PCDH9: variants seen among roughly 807,000 people sequenced by gnomAD.
PCDH9 encodes the protein protocadherin-9.
Under a neutral mutation model 70.6 loss-of-function variants are expected in PCDH9, and 24 were observed. The observed-to-expected ratio is 0.34, with a 90% CI of 0.25 to 0.48. The LOEUF (loss-of-function observed/expected upper bound fraction) is 0.48, where lower values mean the gene tolerates loss of function less well. PCDH9 is among the 20% of genes least tolerant of loss of function. The pLI is 0.99. For synonymous variants in PCDH9, 562 were observed against 558.5 expected, an observed-to-expected ratio of 1.01 and a Z score of -0.09; for missense variants, 1,281 against 1,503.6, an observed-to-expected ratio of 0.85 and a Z score of 2.45.
At chr13:66,589,703 G>A (rs761863895) in intron 4 of PCDH9, among the ~76,000 whole-genome samples, 2 of 151,956 alleles carry the variant, frequency 1.3e-5, no homozygotes, top group Non-Finnish European at 2.9e-5. Context: ...CTTCCAGGGT[G>A]GGCAACAGGC....
At chr13:66,988,873 C>T (rs1480885334) in intron 2 of PCDH9, among the ~76,000 whole-genome samples, 1 of 151,868 alleles carries the variant, frequency 6.6e-6, no homozygotes, top group African/African-American at 2.4e-5. Context: ...TTACTGATTG[C>T]GATTACAGAA....
At chr13:66,974,366 C>T (rs2139754332) in intron 2 of PCDH9, among the ~76,000 whole-genome samples, 1 of 152,022 alleles carries the variant, frequency 6.6e-6, no homozygotes, top group South Asian at 2.1e-4. Context: ...CCTTCCCTCT[C>T]AAGTTACAAC....
chr13:66,720,319 C>CTT lies in PCDH9; in HGVS notation c.3139-88910_3139-88909dup, dbSNP rs1216610961. 5.1e-5 allele frequency among the ~76,000 whole-genome samples: 4 copies of CTT among 77,952 alleles called. No individual in the cohort carries two copies. In the South Asian group the frequency reaches 2.4e-3, roughly 46 times the overall value. The allele number at this position is 77,952 out of a possible 152,430, so 51.1% of individuals were successfully genotyped here. The stretch of plus-strand genomic sequence containing the variant: ...TGCTACCATACCTGGCTAATTTTTG[C>CTT]TTTTTTGTTTTTTTTTTTTTTTTGG... On this transcript the variant is annotated intron_variant, in intron 3 of 4. Coordinates refer to ENST00000377865, the MANE Select transcript of PCDH9 (RefSeq NM_203487.3).
At chr13:66,824,403 C>A (rs994949280) in intron 3 of PCDH9, among the ~76,000 whole-genome samples, 3 of 147,384 alleles carry the variant, frequency 2.0e-5, no homozygotes, top group Non-Finnish European at 3.0e-5. Flanking sequence ...TGCCTGTAAT[C>A]CCAGCACTTT....
chr13:66,804,927 T>C (rs755276963), intron 3 of PCDH9, among the ~76,000 whole-genome samples: 41 of 152,178 alleles, frequency 2.7e-4, no homozygotes, highest in Non-Finnish European at 5.3e-4. Flanking sequence ...TCTGGACAAA[T>C]TGGGAATATA....
intron 4 of PCDH9, among the ~76,000 whole-genome samples, chr13:66,313,570 A>G (rs1233857504): frequency 6.6e-6 from 1 of 152,244 alleles, no homozygotes; most frequent in Non-Finnish European, 1.5e-5. Flanking sequence ...GAGCCTGAAT[A>G]CAGGTCATAC....
At chr13:67,170,147 C>T in intron 2 of PCDH9, among the ~76,000 whole-genome samples, 1 of 152,056 alleles carries the variant, frequency 6.6e-6, no homozygotes, top group South Asian at 2.1e-4. Context: ...ATTATGAAAC[C>T]ATCAGATTAC....
At chr13:66,708,066 T>C (rs2139122779) in intron 3 of PCDH9, among the ~76,000 whole-genome samples, 1 of 151,966 alleles carries the variant, frequency 6.6e-6, no homozygotes, top group South Asian at 2.1e-4. Flanking sequence ...TTTTTATTTT[T>C]TGAGACGGAG....
At chr13:67,056,154 TG>T (rs1345125812) in intron 2 of PCDH9, among the ~76,000 whole-genome samples, 14 of 152,156 alleles carry the variant, frequency 9.2e-5, no homozygotes, top group Admixed American at 9.2e-4. Context: ...TCTCATAAGG[TG>T]GTTAATGTAC....
chr13:67,161,083 CA>C (rs1301186202), intron 2 of PCDH9, among the ~76,000 whole-genome samples: 1 of 152,122 alleles, frequency 6.6e-6, no homozygotes, highest in Non-Finnish European at 1.5e-5. Flanking sequence ...CATAACAGTA[CA>C]ATTAATAGAA....
chr13:66,536,237 C>T (rs1704058182), intron 4 of PCDH9, among the ~76,000 whole-genome samples: 1 of 152,020 alleles, frequency 6.6e-6, no homozygotes, highest in South Asian at 2.1e-4. Flanking sequence ...TAAGGTCTTA[C>T]ACCTCAGGGA....
At chr13:66,600,221 A>C (rs951813671) in intron 4 of PCDH9, among the ~76,000 whole-genome samples, 2 of 151,914 alleles carry the variant, frequency 1.3e-5, no homozygotes, top group African/African-American at 4.8e-5. Flanking sequence ...AGGCTTCCAA[A>C]GTGATTTGAA....
intron 3 of PCDH9, among the ~76,000 whole-genome samples, chr13:66,852,783 C>T (rs1321446044): frequency 1.3e-5 from 2 of 152,150 alleles, no homozygotes; most frequent in Non-Finnish European, 2.9e-5. Flanking sequence ...GACGGTGTAC[C>T]ATGTAATCTC....
intron 2 of PCDH9, among the ~76,000 whole-genome samples, chr13:67,013,434 T>C (rs2084493296): frequency 6.6e-6 from 1 of 152,042 alleles, no homozygotes. Flanking sequence ...ATCTTCTGGA[T>C]GTAGATTTAT....
chr13:66,739,053 G>C (rs1383556655), intron 3 of PCDH9, among the ~76,000 whole-genome samples: 1 of 122,720 alleles, frequency 8.1e-6, no homozygotes, highest in Non-Finnish European at 1.7e-5. Flanking sequence ...ATTCACCAAA[G>C]TTGAAATGAA....
intron 3 of PCDH9, among the ~76,000 whole-genome samples, chr13:66,813,037 C>T (rs909679961): frequency 6.6e-6 from 1 of 152,174 alleles, no homozygotes; most frequent in Non-Finnish European, 1.5e-5. Context: ...TCCTCACACC[C>T]ATGAGTGCAA....
chr13:66,973,929 T>A (rs1190385379), intron 2 of PCDH9, among the ~76,000 whole-genome samples: 2 of 152,032 alleles, frequency 1.3e-5, no homozygotes, highest in African/African-American at 4.8e-5. Flanking sequence ...TTGCTGAGAA[T>A]TTGTTTAGTT....
At chr13:66,900,248 C>T (rs2139591021) in intron 3 of PCDH9, among the ~76,000 whole-genome samples, 1 of 152,016 alleles carries the variant, frequency 6.6e-6, no homozygotes, top group Admixed American at 6.6e-5. Context: ...GAGCAAATTA[C>T]ATAACCTCTC....
At chr13:67,069,313 C>G (rs1489031166) in intron 2 of PCDH9, among the ~76,000 whole-genome samples, 5 of 152,014 alleles carry the variant, frequency 3.3e-5, no homozygotes, top group Non-Finnish European at 7.4e-5. Flanking sequence ...TCTGAAACCC[C>G]AAATAAACAG....
Sources: gnomAD v4.1 joint callset for allele counts (sites outside exome capture counted in the v4.1 genomes callset) on GRCh38, gnomAD v4.1.1 for gene constraint, MANE v1.5 for transcripts, NCBI Gene and HGNC (gene_info 2026-07-23, HGNC 2026-07-21) for gene names.